CPXM2: variants seen among roughly 807,000 people sequenced by gnomAD.
The protein encoded by CPXM2 is carboxypeptidase X, M14 family member 2.
In CPXM2, 66 loss-of-function variants were observed where a neutral mutation model predicts 86.1. That is an observed-to-expected ratio of 0.77 (90% CI 0.63 to 0.94). CPXM2 has a LOEUF of 0.94. CPXM2 is among the 40% of genes least tolerant of loss of function. The pLI, the probability that CPXM2 is intolerant of heterozygous loss-of-function variation, is 0.00. For synonymous variants in CPXM2, 388 were observed against 400.2 expected, an observed-to-expected ratio of 0.97 and a Z score of 0.36; for missense variants, 948 against 1,026.3, an observed-to-expected ratio of 0.92 and a Z score of 1.04.
chr10:123,931,898 T>C (rs556558076), intron 2 of CPXM2, among the ~76,000 whole-genome samples: 24 of 152,318 alleles, frequency 1.6e-4, no homozygotes, highest in African/African-American at 5.8e-4. Context: ...TGACTGATGA[T>C]GAAATTCACA....
intron 2 of CPXM2, among the ~76,000 whole-genome samples, chr10:123,899,545 G>A (rs993671755): frequency 1.3e-4 from 20 of 152,340 alleles, no homozygotes; most frequent in African/African-American, 4.3e-4. Flanking sequence ...TGCTGGGCAT[G>A]GTGGCTCATG....
At chr10:123,758,209 T>A (rs1238306523) in intron 11 of CPXM2, among the ~76,000 whole-genome samples, 1 of 152,180 alleles carries the variant, frequency 6.6e-6, no homozygotes, top group East Asian at 1.9e-4. Context: ...TAATACAAAT[T>A]ACCACCAAAT....
intron 4 of CPXM2, among the ~76,000 whole-genome samples, chr10:123,802,397 T>C (rs1427809808): frequency 1.3e-5 from 2 of 152,226 alleles, no homozygotes; most frequent in Non-Finnish European, 2.9e-5. Flanking sequence ...GGTCCTCTTG[T>C]CCTAGGTTTA....
At chr10:123,880,633 T>TC (rs2134231749) in intron 1 of CPXM2, among the ~76,000 whole-genome samples, 1 of 151,884 alleles carries the variant, frequency 6.6e-6, no homozygotes, top group African/African-American at 2.4e-5. Flanking sequence ...ATCAAGACCA[T>TC]CCTGGCTAAC....
intron 2 of CPXM2, among the ~76,000 whole-genome samples, chr10:123,899,848 C>G (rs1454334295): frequency 3.3e-5 from 5 of 152,142 alleles, no homozygotes; most frequent in African/African-American, 4.8e-5. Context: ...ATAAACATAT[C>G]TTTGTAACCT....
chr10:123,850,521 G>A (rs548541361), intron 3 of CPXM2, among the ~76,000 whole-genome samples: 62 of 152,260 alleles, frequency 4.1e-4, no homozygotes, highest in African/African-American at 1.2e-3. Flanking sequence ...TTTGTCTGGC[G>A]ATCCACACTG....
chr10:123,784,111 T>C (rs1273650172), intron 6 of CPXM2, among the ~76,000 whole-genome samples: 1 of 152,164 alleles, frequency 6.6e-6, no homozygotes, highest in Non-Finnish European at 1.5e-5. Flanking sequence ...GGAGTTCTTA[T>C]GAAGGCTTTT....
At chr10:123,815,017 C>T (rs111432161) in intron 4 of CPXM2, among the ~76,000 whole-genome samples, 4,876 of 152,114 alleles carry the variant, frequency 0.032, 263 homozygotes, top group African/African-American at 0.11. Context: ...AGAGTGGGAC[C>T]TCGTCTAAAA....
intron 6 of CPXM2, among the ~76,000 whole-genome samples, chr10:123,783,572 G>A: frequency 6.6e-6 from 1 of 152,176 alleles, no homozygotes; most frequent in East Asian, 1.9e-4. Context: ...GTGAGTGGGA[G>A]GTGTGTGTGG....
chr10:123,888,167 C>G (rs1945210807), intron 1 of CPXM2, among the ~76,000 whole-genome samples: 2 of 152,326 alleles, frequency 1.3e-5, no homozygotes, highest in African/African-American at 2.4e-5. Flanking sequence ...AGGGTTAAAA[C>G]AGGGCTCCCT....
At chr10:123,934,714 T>C (rs1269736659) in intron 2 of CPXM2, among the ~76,000 whole-genome samples, 1 of 152,104 alleles carries the variant, frequency 6.6e-6, no homozygotes, top group African/African-American at 2.4e-5. Context: ...TGTTCACCCA[T>C]GGGAGGCCCT....
intron 1 of CPXM2, among the ~76,000 whole-genome samples, chr10:123,887,599 G>C (rs1017516006): frequency 1.3e-5 from 2 of 152,268 alleles, no homozygotes; most frequent in South Asian, 2.1e-4. Context: ...GTGACAACAG[G>C]GGGGAGGGTG....
chr10:123,927,731 G>A lies in CPXM2; in HGVS notation n.174+11746C>T, dbSNP rs186871044. 3.3e-5 allele frequency among the ~76,000 whole-genome samples: 5 copies of A among 152,330 alleles called. No individual in the cohort carries two copies. In the East Asian group the frequency reaches 7.7e-4, roughly 23 times the overall value. On this transcript the variant is annotated intron_variant and non_coding_transcript_variant, in intron 2 of 19. Coordinates refer to the CPXM2 transcript ENST00000368854. ...GACACCTGCCACTCTGGAAGTAACT[G>A]CTTGTGCAATCACTGCACCAGGCTT...
At chr10:123,922,963 T>C (rs905396984) in intron 2 of CPXM2, among the ~76,000 whole-genome samples, 1 of 152,202 alleles carries the variant, frequency 6.6e-6, no homozygotes, top group Non-Finnish European at 1.5e-5. Flanking sequence ...GATTACTCAC[T>C]GTGGAGCAGC....
chr10:123,842,148 G>C (rs1848399835), intron 4 of CPXM2, among the ~76,000 whole-genome samples: 1 of 152,234 alleles, frequency 6.6e-6, no homozygotes, highest in South Asian at 2.1e-4. Context: ...TACAGGGGGA[G>C]GGTGTCGTTC....
chr10:123,780,339 C>G (rs1019578285), intron 6 of CPXM2, 84 bp from the exon 7 acceptor site: 3 of 918,578 alleles, frequency 3.3e-6, no homozygotes, highest in African/African-American at 1.6e-5. Context: ...GGGGACTGCA[C>G]GGACAGTGCA....
intron 1 of CPXM2, among the ~76,000 whole-genome samples, chr10:123,889,822 C>T (rs1032458458): frequency 8.5e-5 from 13 of 152,072 alleles, no homozygotes; most frequent in African/African-American, 3.1e-4. Context: ...CCACTTTCCC[C>T]CTTAGCACTA....
chr10:123,802,487 A>T (rs962432044), intron 4 of CPXM2, among the ~76,000 whole-genome samples: 2 of 152,308 alleles, frequency 1.3e-5, no homozygotes, highest in Admixed American at 1.3e-4. Context: ...TGCTTTATTC[A>T]TTCTCACTGC....
At chr10:123,901,218 A>G (rs1202971566) in intron 2 of CPXM2, among the ~76,000 whole-genome samples, 2 of 152,228 alleles carry the variant, frequency 1.3e-5, no homozygotes, top group African/African-American at 2.4e-5. Flanking sequence ...TTTAAATCCA[A>G]TTGAATTACA....
Sources: allele counts gnomAD v4.1 joint callset (sites outside exome capture counted in the v4.1 genomes callset), GRCh38; gene constraint gnomAD v4.1.1; transcripts MANE v1.5; gene names NCBI Gene and HGNC (gene_info 2026-07-23, HGNC 2026-07-21).